USP5: variants seen among roughly 807,000 people sequenced by gnomAD.
USP5 encodes the protein ubiquitin carboxyl-terminal hydrolase 5.
In USP5, 24 loss-of-function variants were observed where a neutral mutation model predicts 102.5. The observed-to-expected ratio is 0.23, with a 90% CI of 0.17 to 0.33. The LOEUF (loss-of-function observed/expected upper bound fraction) is 0.33. Ranked by LOEUF, USP5 falls within the 10% of genes least tolerant of loss-of-function variation. USP5 has a pLI of 1.00. For synonymous variants in USP5, 460 were observed against 434.8 expected (o/e 1.06, Z -0.72); for missense variants, 753 against 1,122.1 (o/e 0.67, Z 4.70).
Position 6,861,354 on chromosome 12 carries a change from G to C in USP5, c.1499-89G>C. ...GGTGCTTTGGAAGGGTAGAGGAACT[G>C]AAATACGGACACAGAGCCAGTAGGG... On this transcript the variant is annotated intron_variant, in intron 12 of 19. Transcript: ENST00000229268. This position sits in a 1 kb window ranked among gnomAD's most constrained non-coding sequence, Gnocchi z 4.9. 1 of 1,452,466 alleles carries C rather than the reference G, an allele frequency of 6.9e-7. No homozygotes were observed. Among genetic ancestry groups the C allele is most frequent in the South Asian group, 1.4e-5 (1 of 73,670 alleles). The allele number at this position is 1,452,466 out of a possible 1,614,324, so 90.0% of individuals were successfully genotyped here.
In USP5 at chr12:6,852,179, C is replaced by T. The variant is rs781983695; in HGVS notation, c.-1C>T. ...TGTGTGGAGAAGCTGCTGCCGGTGT[C>T]ATGGCGGAGCTGAGTGAGGAGGCGC... is the stretch of plus-strand genomic sequence containing the variant. On this transcript the variant is annotated 5_prime_UTR_variant, in exon 1 of 20. Transcript: ENST00000229268. 1 of 1,609,962 alleles carries T rather than the reference C, an allele frequency of 6.2e-7. No homozygotes were observed. The highest frequency in any genetic ancestry group is 8.5e-7 in the Non-Finnish European group (1 of 1,178,518).
chr12:6,856,201 G>A lies in USP5; in HGVS notation c.438+51G>A. On this transcript the variant is annotated intron_variant, in intron 4 of 19. Transcript: ENST00000229268. This position sits in a 1 kb window ranked among gnomAD's most constrained non-coding sequence, Gnocchi z 5.6. Reference sequence around the variant, plus strand: ...AGATTCTAGAGCAAGATGGGCCAGGGTAGTGGTGTCTTAGGCAAGCACTGA... The same window carrying A: ...AGATTCTAGAGCAAGATGGGCCAGGATAGTGGTGTCTTAGGCAAGCACTGA... The A allele has an allele frequency of 6.2e-7, 1 of 1,611,554 alleles. No homozygotes were observed. Among genetic ancestry groups the A allele is most frequent in the Non-Finnish European group, 8.5e-7 (1 of 1,178,232 alleles).
In USP5 at chr12:6,856,631, T is replaced by C; in HGVS notation, c.585-76T>C. ...AGAGACCTTGGATTGGCGGGGGGCC[T>C]GCAGAGCCCTCTCTCTCTGCCACTC... On this transcript the variant is annotated intron_variant, in intron 5 of 19. Transcript: ENST00000229268. This position sits in a 1 kb window ranked among gnomAD's most constrained non-coding sequence, Gnocchi z 5.6. 6.4e-7 allele frequency: 1 copy of C among 1,558,062 alleles called. No individual in the cohort carries two copies. Among genetic ancestry groups the C allele is most frequent in the Non-Finnish European group, 8.7e-7 (1 of 1,153,276 alleles).
intron 8 of USP5, 23 bp from the exon 9 acceptor site, chr12:6,859,447 A>G (rs1944210150): frequency 4.3e-6 from 7 of 1,613,372 alleles, no homozygotes; most frequent in Admixed American, 1.7e-5. Flanking sequence ...AGCCCCTCCA[A>G]CTGTCCTTCC....
rs1351382658 is a variant in USP5 at position 6,864,605 on chromosome 12, C to T, written c.2245-117C>T. On this transcript the variant is annotated intron_variant, in intron 17 of 19. Transcript: ENST00000229268. The surrounding 1 kb of genome is among the most constrained non-coding windows in gnomAD (Gnocchi z 4.8). ...TTGGGAGGCTGAGGCAGGAGAAAGG[C>T]GTGAACCCGGGAGGCGGAGCTTGCA... The T allele has an allele frequency of 2.5e-5, 29 of 1,166,298 alleles. No individual in the cohort carries two copies. Among genetic ancestry groups the T allele is most frequent in the African/African-American group, 9.2e-5 (6 of 65,228 alleles). The allele number at this position is 1,166,298 out of a possible 1,614,324, so 72.2% of individuals were successfully genotyped here. A position where few individuals can be genotyped will look rare whatever the true frequency, so the allele number is the denominator to read the frequency against.
Position 6,861,459 on chromosome 12 carries a change from C to T in USP5, c.1515C>T (p.Tyr505=), listed in dbSNP as rs368371423. ...AALNKEELLE[Y]EEKKRQAEEE... is the part of the protein sequence containing the mutation. ...TGTCACCAGAGGAGCTTCTGGAGTA[C>T]GAGGAGAAGAAGCGGCAAGCCGAAG... Residue 505 remains tyrosine, a synonymous_variant, in exon 13 of 20, where the codon TAC becomes TAT. Coordinates refer to ENST00000229268, the MANE Select transcript of USP5 (RefSeq NM_001098536.2). The surrounding 1 kb of genome is among the most constrained non-coding windows in gnomAD (Gnocchi z 4.9). The T allele has an allele frequency of 8.9e-5, 140 of 1,577,276 alleles. No homozygotes were observed. The highest frequency in any genetic ancestry group is 1.1e-4 in the Non-Finnish European group (123 of 1,154,922).
chr12:6,856,458 C>T lies in USP5; in HGVS notation c.584+8C>T, dbSNP rs1193532243. 3 of 1,600,976 alleles carry T rather than the reference C, an allele frequency of 1.9e-6. No homozygotes were observed. The highest frequency in any genetic ancestry group is 2.7e-5 in the African/African-American group (2 of 74,678). ...TGCTCGAATCCCTCCCTGGTGAGGC[C>T]TGGCCCCTCTGCCTCGGGCACCACC... On this transcript the variant is annotated splice_region_variant and intron_variant, in intron 5 of 19. Coordinates refer to ENST00000229268, the MANE Select transcript of USP5 (RefSeq NM_001098536.2). This position sits in a 1 kb window ranked among gnomAD's most constrained non-coding sequence, Gnocchi z 5.6.
At position 6,860,558 on chromosome 12, in the gene USP5, T is replaced by C; in HGVS notation, c.1344+67T>C. The C allele has an allele frequency of 6.2e-7, 1 of 1,600,250 alleles. No homozygotes were observed. Among genetic ancestry groups the C allele is most frequent in the Non-Finnish European group, 8.5e-7 (1 of 1,176,858 alleles). On this transcript the variant is annotated intron_variant, in intron 11 of 19. Coordinates refer to ENST00000229268, the MANE Select transcript of USP5 (RefSeq NM_001098536.2). The surrounding 1 kb of genome is among the most constrained non-coding windows in gnomAD (Gnocchi z 5.5). ...TTACTCGCTCTCCTTCCTGCCCATTTCTCCCTCTATCAGCCCCAACCCAGT... is the reference window on the plus strand; with the variant it reads ...TTACTCGCTCTCCTTCCTGCCCATTCCTCCCTCTATCAGCCCCAACCCAGT...
Position 6,865,970 on chromosome 12 carries a change from C to T in USP5, c.2484-14C>T. 6.2e-7 allele frequency: 1 copy of T among 1,612,614 alleles called. No individual in the cohort carries two copies. The highest frequency in any genetic ancestry group is 8.5e-7 in the Non-Finnish European group (1 of 1,178,716). On this transcript the variant is annotated splice_polypyrimidine_tract_variant and intron_variant, in intron 19 of 19. Coordinates refer to ENST00000229268, the MANE Select transcript of USP5 (RefSeq NM_001098536.2). ...CAGTTTGTTCATCCTTTTCTGTTTT[C>T]CCCACTTCCCCAGATGGGTGATCTA...
At chr12:6,862,393 C>T in intron 13 of USP5, 77 bp from the exon 14 acceptor site, 1 of 1,301,838 alleles carries the variant, frequency 7.7e-7, no homozygotes. Context: ...CCATGAGGGG[C>T]TGAACCCCAG....
In USP5 at chr12:6,866,078, G is replaced by A; in HGVS notation, c.*1G>A. 1 of 1,614,064 alleles carries A rather than the reference G, an allele frequency of 6.2e-7. No individual in the cohort carries two copies. On this transcript the variant is annotated 3_prime_UTR_variant, in exon 20 of 20. Coordinates refer to ENST00000229268, the MANE Select transcript of USP5 (RefSeq NM_001098536.2). This position sits in a 1 kb window ranked among gnomAD's most constrained non-coding sequence, Gnocchi z 4.7. The stretch of plus-strand genomic sequence containing the variant: ...CTTCTACCAGAGAGTGGCCAGCTAA[G>A]AGCCTGCCTCACCCCTTACCAATGA...
chr12:6,863,162 G>A lies in USP5; in HGVS notation c.1763-24G>A, dbSNP rs782458030. On this transcript the variant is annotated intron_variant, in intron 14 of 19. Coordinates refer to ENST00000229268, the MANE Select transcript of USP5 (RefSeq NM_001098536.2). This position sits in a 1 kb window ranked among gnomAD's most constrained non-coding sequence, Gnocchi z 4.7. Reference sequence around the variant, plus strand: ...CTTTCCAGGTAGGCCTCCGGGAGCTGCTGAGGTGACCCTTTTCCCACAGAT... The same window carrying A: ...CTTTCCAGGTAGGCCTCCGGGAGCTACTGAGGTGACCCTTTTCCCACAGAT... 5.7e-5 allele frequency: 91 copies of A among 1,593,882 alleles called. No individual in the cohort carries two copies. In the Admixed American group the frequency reaches 9.3e-4, roughly 16 times the overall value.
chr12:6,860,562 C>T lies in USP5; in HGVS notation c.1344+71C>T, dbSNP rs782054267. The T allele has an allele frequency of 1.6e-5, 26 of 1,598,150 alleles. No homozygotes were observed. Among genetic ancestry groups the T allele is most frequent in the Non-Finnish European group, 2.1e-5 (25 of 1,176,074 alleles). Reference sequence around the variant, plus strand: ...TCGCTCTCCTTCCTGCCCATTTCTCCCTCTATCAGCCCCAACCCAGTCCCA... The same window carrying T: ...TCGCTCTCCTTCCTGCCCATTTCTCTCTCTATCAGCCCCAACCCAGTCCCA... On this transcript the variant is annotated intron_variant, in intron 11 of 19. Transcript: ENST00000229268. The surrounding 1 kb of genome is among the most constrained non-coding windows in gnomAD (Gnocchi z 5.5).
At position 6,858,507 on chromosome 12, in the gene USP5, A is replaced by G; in HGVS notation, c.948A>G (p.Pro316=). 1 of 1,613,872 alleles carries G rather than the reference A, an allele frequency of 6.2e-7. No homozygotes were observed. The part of the protein sequence containing the change: ...EWELIQESGV[P]LKPLFGPGYT... ...AGCTGATCCAGGAGTCAGGTGTGCC[A>G]CTCAAGCCCCTGTTTGGGCCTGGCT... is the stretch of plus-strand genomic sequence containing the variant. The change falls in exon 8 of 20, where the codon CCA becomes CCG. Residue 316 remains proline (P), a synonymous_variant. Transcript: ENST00000229268. This position sits in a 1 kb window ranked among gnomAD's most constrained non-coding sequence, Gnocchi z 4.2.
Position 6,856,925 on chromosome 12 carries a change from T to G in USP5, c.769+34T>G. The G allele has an allele frequency of 6.3e-7, 1 of 1,598,652 alleles. No individual in the cohort carries two copies. Among genetic ancestry groups the G allele is most frequent in the Non-Finnish European group, 8.5e-7 (1 of 1,170,646 alleles). On this transcript the variant is annotated intron_variant, in intron 6 of 19. Coordinates refer to ENST00000229268, the MANE Select transcript of USP5 (RefSeq NM_001098536.2). The surrounding 1 kb of genome is among the most constrained non-coding windows in gnomAD (Gnocchi z 5.6). ...TCCCCTCCTCCAGCCACTCTCATGCTTAAATATATTTCATTTGTTAGTAAT... is the reference window on the plus strand; with the variant it reads ...TCCCCTCCTCCAGCCACTCTCATGCGTAAATATATTTCATTTGTTAGTAAT...
At chr12:6,859,295 G>A (rs1555128979) in intron 8 of USP5, among the ~76,000 whole-genome samples, 175 bp from the exon 9 acceptor site, 1 of 152,196 alleles carries the variant, frequency 6.6e-6, no homozygotes, top group Non-Finnish European at 1.5e-5. Context: ...ATTGGACATA[G>A]CTGAGAAGGG....
rs781894807 is a variant in USP5, at chr12:6,860,046, G to A, written c.1131-105G>A. On this transcript the variant is annotated intron_variant, in intron 9 of 19. Transcript: ENST00000229268. The surrounding 1 kb of genome is among the most constrained non-coding windows in gnomAD (Gnocchi z 5.5). ...TCCTGTAGAATCTAAGGTTTTTCAC[G>A]TTGTTGAGAGTTAGCTAGGGAGAGC... The A allele has an allele frequency of 2.4e-5, 30 of 1,239,900 alleles. No individual in the cohort carries two copies. The highest frequency in any genetic ancestry group is 2.1e-4 in the African/African-American group (14 of 65,510). 76.8% of individuals were successfully genotyped at this position (1,239,900 alleles called of 1,614,324 possible).
At position 6,861,333 on chromosome 12, in the gene USP5, C is replaced by A; in HGVS notation, c.1499-110C>A. 7.3e-7 allele frequency: 1 copy of A among 1,377,960 alleles called. No individual in the cohort carries two copies. The allele number at this position is 1,377,960 out of a possible 1,614,324, so 85.4% of individuals were successfully genotyped here. On this transcript the variant is annotated intron_variant, in intron 12 of 19. Transcript: ENST00000229268. This position sits in a 1 kb window ranked among gnomAD's most constrained non-coding sequence, Gnocchi z 4.9. ...ATATATTGGACATGTGTCAGGGGTG[C>A]TTTGGAAGGGTAGAGGAACTGAAAT... is the stretch of plus-strand genomic sequence containing the variant.
At position 6,862,525 on chromosome 12, in the gene USP5, A is replaced by T. The variant is rs1345485070; in HGVS notation, c.1729A>T (p.Thr577Ser). 2.5e-6 allele frequency: 4 copies of T among 1,614,032 alleles called. No individual in the cohort carries two copies. The African/African-American group carries it at 5.3e-5, about 22-fold the overall frequency. Residue 577 changes from threonine (T) to serine (S), a missense_variant, in exon 14 of 20, where the codon ACC becomes TCC. Around this residue, in one of 3 missense-constraint regions of USP5, gnomAD observed 527 missense variants for 816.5 expected, o/e 0.65. Coordinates refer to ENST00000229268, the MANE Select transcript of USP5 (RefSeq NM_001098536.2). The part of the protein sequence containing the change: ...DYLVIQIKKF[T>S]FGLDWVPKKL... ...CCTGGTCATCCAGATCAAGAAGTTC[A>T]CCTTCGGCTTAGACTGGGTGCCCAA...
Sources: gnomAD v4.1 joint callset for allele counts (sites outside exome capture counted in the v4.1 genomes callset) on GRCh38, gnomAD v4.1.1 for gene constraint, gnomAD v4.1.1 regional missense constraint, Gnocchi (gnomAD v3.1) non-coding constraint, MANE v1.5 for transcripts, NCBI Gene and HGNC (gene_info 2026-07-23, HGNC 2026-07-21) for gene names.